The following LTBP2 variants were observed in gnomAD, a reference collection of about 807,000 sequenced individuals.
LTBP2 encodes latent-transforming growth factor beta-binding protein 2.
LTBP2 carries 103 observed loss-of-function variants against 210.6 expected under a neutral mutation model. The ratio of observed to expected loss-of-function variants is 0.49; its 90% CI spans 0.42 to 0.58. LTBP2 has a LOEUF of 0.58. Ranked by LOEUF, LTBP2 falls within the 20% of genes least tolerant of loss-of-function variation. The pLI, the probability that LTBP2 is intolerant of heterozygous loss-of-function variation, is 0.00. For synonymous variants in LTBP2, 1,007 were observed against 1,015.0 expected, an observed-to-expected ratio of 0.99 and a Z score of 0.15; for missense variants, 2,313 against 2,494.5, an observed-to-expected ratio of 0.93 and a Z score of 1.55.
intron 29 of LTBP2, 23 bp from the exon 30 acceptor site, chr14:74,504,884 T>C (rs2139689684): frequency 6.2e-7 from 1 of 1,613,806 alleles, no homozygotes; most frequent in Non-Finnish European, 8.5e-7. Context: ...GCGTTTCAGC[T>C]CAGAGTGGGG....
intron 3 of LTBP2, among the ~76,000 whole-genome samples, chr14:74,567,444 C>T (rs1264935601): frequency 2.0e-5 from 3 of 152,180 alleles, no homozygotes; most frequent in East Asian, 1.9e-4. Flanking sequence ...GGCTCACACC[C>T]GGGCCACCTC....
intron 18 of LTBP2, among the ~76,000 whole-genome samples, 181 bp downstream of exon 18, chr14:74,516,641 G>A (rs752683120): frequency 2.6e-5 from 4 of 152,152 alleles, no homozygotes; most frequent in African/African-American, 7.2e-5. Context: ...ATGCCAGAAT[G>A]TCACTGAGGG....
At chr14:74,582,816 G>A (rs2088155637) in intron 3 of LTBP2, among the ~76,000 whole-genome samples, 1 of 152,224 alleles carries the variant, frequency 6.6e-6, no homozygotes. Context: ...ATGTTGACAA[G>A]TTCCCAGGTG....
intron 2 of LTBP2, among the ~76,000 whole-genome samples, chr14:74,591,059 C>CA (rs2088277057): frequency 6.6e-6 from 1 of 152,156 alleles, no homozygotes; most frequent in Non-Finnish European, 1.5e-5. Context: ...ACCCTGTGAG[C>CA]CAAGCCCCTA....
intron 3 of LTBP2, among the ~76,000 whole-genome samples, chr14:74,561,943 C>T (rs1054959883): frequency 1.3e-5 from 2 of 152,154 alleles, no homozygotes; most frequent in South Asian, 2.1e-4. Context: ...GGCACGGTGG[C>T]TCAAGCCTGT....
chr14:74,514,610 G>T (rs768113338), intron 18 of LTBP2, among the ~76,000 whole-genome samples: 1 of 152,184 alleles, frequency 6.6e-6, no homozygotes, highest in Non-Finnish European at 1.5e-5. Context: ...AGTGACCTTG[G>T]TTATGGCTGG....
chr14:74,527,978 C>T (rs1007673293), intron 12 of LTBP2, among the ~76,000 whole-genome samples: 1 of 152,260 alleles, frequency 6.6e-6, no homozygotes, highest in African/African-American at 2.4e-5. Flanking sequence ...CTGGGCATGA[C>T]TTCTCCATGG....
chr14:74,509,087 A>G, intron 22 of LTBP2, 135 bp from the exon 23 acceptor site: 1 of 1,568,872 alleles, frequency 6.4e-7, no homozygotes, highest in Non-Finnish European at 8.7e-7. Flanking sequence ...CTCATGAGGC[A>G]GCACAGCTGG....
At chr14:74,541,220 C>T (rs569458477) in intron 8 of LTBP2, among the ~76,000 whole-genome samples, 41 of 152,066 alleles carry the variant, frequency 2.7e-4, no homozygotes, top group African/African-American at 9.9e-4. Context: ...TCCATCTCTC[C>T]ACAAAGCATA....
chr14:74,544,345 G>T (rs1346839076), intron 8 of LTBP2, among the ~76,000 whole-genome samples: 4 of 152,204 alleles, frequency 2.6e-5, no homozygotes, highest in Non-Finnish European at 5.9e-5. Context: ...CAGGCAACTG[G>T]AGTCAGATAG....
intron 3 of LTBP2, among the ~76,000 whole-genome samples, chr14:74,558,720 T>C (rs1448522267): frequency 1.3e-5 from 2 of 152,214 alleles, no homozygotes; most frequent in Non-Finnish European, 1.5e-5. Context: ...TTTTCTCTAA[T>C]TGGTGCTCAG....
At chr14:74,517,851 A>G (rs961463644) in intron 17 of LTBP2, among the ~76,000 whole-genome samples, 1 of 152,120 alleles carries the variant, frequency 6.6e-6, no homozygotes, top group Non-Finnish European at 1.5e-5. Context: ...TTAAACTCCT[A>G]CCAGAGACCC....
chr14:74,539,710 TGAGAGG>T (rs1015190201), intron 8 of LTBP2, among the ~76,000 whole-genome samples: 6 of 148,382 alleles, frequency 4.0e-5, no homozygotes, highest in African/African-American at 7.7e-5. Context: ...AGACGGAGAC[TGAGAGG>T]GAGAGGGAGA....
chr14:74,508,791 A>T, intron 23 of LTBP2, 39 bp downstream of exon 23: 1 of 1,613,496 alleles, frequency 6.2e-7, no homozygotes, highest in Non-Finnish European at 8.5e-7. Flanking sequence ...CCACACACTC[A>T]TGCCCCCCAC....
rs1197744874 is a variant in LTBP2 at position 74,522,812 on chromosome 14, G to A, written c.2637C>T (p.His879=). 6.2e-7 allele frequency: 1 copy of A among 1,611,450 alleles called. No individual in the cohort carries two copies. The highest frequency in any genetic ancestry group is 8.5e-7 in the Non-Finnish European group (1 of 1,178,990). Residue 879 remains histidine, a synonymous_variant, in exon 16 of 36, where the codon CAC becomes CAT. Coordinates refer to ENST00000261978, the MANE Select transcript of LTBP2 (RefSeq NM_000428.3). ...TACCTGTGCAGTAGGCCTGGCTGGG[G>A]TGCAGCTGGTAGCCAGGGCTGCAGA... The part of the protein sequence containing the change: ...RCVCSPGYQL[H]PSQAYCTDDN...
intron 9 of LTBP2, among the ~76,000 whole-genome samples, chr14:74,534,015 C>T (rs1000408721): frequency 1.8e-4 from 27 of 152,274 alleles, no homozygotes; most frequent in African/African-American, 4.3e-4. Context: ...GGCACAGGAA[C>T]GAGGGACTGA....
chr14:74,524,511 C>T (rs2087246976), intron 15 of LTBP2, among the ~76,000 whole-genome samples: 1 of 152,140 alleles, frequency 6.6e-6, no homozygotes, highest in Non-Finnish European at 1.5e-5. Flanking sequence ...GCGGCAACAA[C>T]ACCCGCCTTG....
Position 74,555,489 on chromosome 14 carries a change from CAG to C in LTBP2, c.1021+12_1021+13del, listed in dbSNP as rs763461951. 5 of 1,612,604 alleles carry C rather than the reference CAG, an allele frequency of 3.1e-6. No homozygotes were observed. Among genetic ancestry groups the C allele is most frequent in the African/African-American group, 2.7e-5 (2 of 75,000 alleles). Reference sequence around the variant, plus strand: ...GGCCCTGCTCTTCTAGGACCCAAGACAGGGTATCCTTACCCCAGGGGGATGAG... The same window carrying C: ...GGCCCTGCTCTTCTAGGACCCAAGACGGTATCCTTACCCCAGGGGGATGAG... On this transcript the variant is annotated intron_variant, in intron 4 of 35. Transcript: ENST00000261978.
Position 74,500,231 on chromosome 14 carries a change from A to G in LTBP2, c.*653T>C, listed in dbSNP as rs1402276614. On this transcript the variant is annotated 3_prime_UTR_variant, in exon 36 of 36. Coordinates refer to ENST00000261978, the MANE Select transcript of LTBP2 (RefSeq NM_000428.3). Reference sequence around the variant, plus strand: ...TTTCTCAGGCTCTTTGTTCTTCTTCATTTGTGTCTCTTACATTCAACAAGC... The same window carrying G: ...TTTCTCAGGCTCTTTGTTCTTCTTCGTTTGTGTCTCTTACATTCAACAAGC... The G allele has an allele frequency of 4.3e-6, 1 of 234,880 alleles. No individual in the cohort carries two copies. The highest frequency in any genetic ancestry group is 8.4e-6 in the Non-Finnish European group (1 of 119,182). The allele number at this position is 234,880 out of a possible 1,614,324, so 14.5% of individuals were successfully genotyped here.
Sources: allele counts gnomAD v4.1 joint callset (sites outside exome capture counted in the v4.1 genomes callset), GRCh38; gene constraint gnomAD v4.1.1; transcripts MANE v1.5; gene names NCBI Gene and HGNC (gene_info 2026-07-23, HGNC 2026-07-21).